Variants in TBATA observed in about 807,000 individuals in gnomAD.
The protein encoded by TBATA is protein TBATA.
In TBATA, 47 loss-of-function variants were observed where a neutral mutation model predicts 38.7. The observed-to-expected ratio is 1.21, with a 90% CI of 0.96 to 1.55. TBATA has a LOEUF of 1.55. Among genes scored for constraint, TBATA ranks in the 40% most tolerant of loss-of-function variants. The probability of loss-of-function intolerance (pLI) is 0.00; values close to 1 mark genes in which losing one functional copy is unlikely to be tolerated. For synonymous variants in TBATA, 183 were observed against 170.5 expected (o/e 1.07, Z -0.57); for missense variants, 436 against 435.6 (o/e 1.00, Z -0.01).
chr10:70,777,510 C>T (rs550566862), intron 6 of TBATA, among the ~76,000 whole-genome samples, 172 bp from the exon 7 acceptor site: 2 of 152,136 alleles, frequency 1.3e-5, no homozygotes, highest in East Asian at 1.9e-4. Flanking sequence ...TGCCACCCCC[C>T]CAACCTCACC....
At chr10:70,782,786 A>T (rs1381071561) in intron 3 of TBATA, among the ~76,000 whole-genome samples, 1 of 152,030 alleles carries the variant, frequency 6.6e-6, no homozygotes, top group Non-Finnish European at 1.5e-5. Flanking sequence ...GCCAGTCCCC[A>T]CTGGAGGCCT....
intron 10 of TBATA, chr10:70,772,207 A>G: frequency 1.7e-6 from 1 of 571,710 alleles, no homozygotes; most frequent in East Asian, 4.0e-5. Context: ...TATTCTCCTT[A>G]CAGTATCTGT....
rs116376931 is a variant in TBATA, at chr10:70,779,003, G to T, written c.428-367C>A. On this transcript the variant is annotated intron_variant, in intron 5 of 10. Coordinates refer to ENST00000456372, the MANE Select transcript of TBATA (RefSeq NM_001318241.2). Reference sequence around the variant, plus strand: ...CCCTGAGGCCAAGACTGAAGCTGAGGAGATACAGATGGGCCTGTTATTAAG... The same window carrying T: ...CCCTGAGGCCAAGACTGAAGCTGAGTAGATACAGATGGGCCTGTTATTAAG... Among the ~76,000 whole-genome samples, 864 of 152,324 alleles carry T rather than the reference G, an allele frequency of 5.7e-3. 4 individuals are homozygous for T. Among genetic ancestry groups the T allele is most frequent in the African/African-American group, 0.015 (622 of 41,574 alleles).
At chr10:70,778,205 C>T (rs973041355) in intron 6 of TBATA, among the ~76,000 whole-genome samples, 1 of 152,158 alleles carries the variant, frequency 6.6e-6, no homozygotes, top group Non-Finnish European at 1.5e-5. Flanking sequence ...AGTCTGCCCC[C>T]CCTCACCTTT....
chr10:70,771,265 A>G lies in TBATA; in HGVS notation c.*111T>C, dbSNP rs1421357355. 3 of 1,605,904 alleles carry G rather than the reference A, an allele frequency of 1.9e-6. No homozygotes were observed. Among genetic ancestry groups the G allele is most frequent in the Non-Finnish European group, 2.6e-6 (3 of 1,174,858 alleles). On this transcript the variant is annotated 3_prime_UTR_variant, in exon 11 of 11. Transcript: ENST00000456372. ...TCAGGGAAGACGGTTTTATTTAGTA[A>G]GAGTTTTCACGGTAGGGAATCAGGT...
chr10:70,781,288 A>C lies in TBATA; in HGVS notation c.277+513T>G, dbSNP rs1844178931. On this transcript the variant is annotated intron_variant, in intron 4 of 10. Transcript: ENST00000456372. ...GCCATGTCTTCTGTGACCACCTTTC[A>C]AAAATAGCTATCTTCCCACTGCAGC... Among the ~76,000 whole-genome samples, 3 of 152,254 alleles carry C rather than the reference A, an allele frequency of 2.0e-5. No individual in the cohort carries two copies. The South Asian group carries it at 6.2e-4, about 32-fold the overall frequency.
intron 9 of TBATA, among the ~76,000 whole-genome samples, chr10:70,773,319 C>T (rs1481935309): frequency 6.6e-6 from 1 of 152,178 alleles, no homozygotes; most frequent in East Asian, 1.9e-4. Flanking sequence ...TGTATACCTT[C>T]CTGACTTCCA....
chr10:70,773,444 A>C (rs1228050048), intron 9 of TBATA, among the ~76,000 whole-genome samples: 1 of 134,618 alleles, frequency 7.4e-6, no homozygotes, highest in Non-Finnish European at 1.6e-5. Flanking sequence ...GGAAACACTC[A>C]GGTGACTGTT....
chr10:70,784,098 C>A (rs1237652013), intron 2 of TBATA, among the ~76,000 whole-genome samples: 3 of 152,168 alleles, frequency 2.0e-5, no homozygotes, highest in Non-Finnish European at 4.4e-5. Flanking sequence ...CAGAGGACCA[C>A]ATAGCCTGAG....
chr10:70,780,850 A>G (rs1233097475), intron 4 of TBATA, among the ~76,000 whole-genome samples: 1 of 152,086 alleles, frequency 6.6e-6, no homozygotes, highest in African/African-American at 2.4e-5. Flanking sequence ...GCCAAGTCCT[A>G]CTGACTTTAC....
intron 9 of TBATA, 34 bp downstream of exon 9, chr10:70,774,179 G>T (rs775696888): frequency 6.2e-7 from 1 of 1,607,308 alleles, no homozygotes; most frequent in Non-Finnish European, 8.5e-7. Flanking sequence ...AGGACAGAAG[G>T]CTGCAGAAGG....
intron 6 of TBATA, chr10:70,777,652 G>GC: frequency 2.4e-6 from 1 of 418,398 alleles, no homozygotes; most frequent in South Asian, 2.1e-5. Flanking sequence ...ATCGCTGGAT[G>GC]CCCGCGGGTG....
rs752310987 is a variant in TBATA at position 70,781,842 on chromosome 10, G to C, written c.236C>G (p.Ser79Cys). Reference protein sequence around the residue: ...FGRLSHHSFFSRHHPHPQHVT... With the variant: ...FGRLSHHSFFCRHHPHPQHVT... Reference sequence around the variant, plus strand: ...GTGCTGGGGGTGTGGGTGGTGCCGGGAGAAGAAGGAGTGGTGACTGAGGCG... The same window carrying C: ...GTGCTGGGGGTGTGGGTGGTGCCGGCAGAAGAAGGAGTGGTGACTGAGGCG... The change falls in exon 4 of 11, where the codon TCC (serine) becomes TGC (cysteine). Residue 79 changes from serine to cysteine, a missense_variant. Coordinates refer to ENST00000456372, the MANE Select transcript of TBATA (RefSeq NM_001318241.2). The C allele has an allele frequency of 1.2e-6, 2 of 1,614,146 alleles. No individual in the cohort carries two copies. Among genetic ancestry groups the C allele is most frequent in the Non-Finnish European group, 1.7e-6 (2 of 1,179,952 alleles).
chr10:70,782,732 C>T (rs1844409578), intron 3 of TBATA: 1 of 780,710 alleles, frequency 1.3e-6, no homozygotes, highest in Non-Finnish European at 1.6e-6. Context: ...CCTGAGGACG[C>T]TATGCATCTG....
chr10:70,782,240 A>C, intron 3 of TBATA: 1 of 1,396,032 alleles, frequency 7.2e-7, no homozygotes, highest in East Asian at 2.5e-5. Flanking sequence ...TGTCCTGGTT[A>C]GTCTTCCTTA....
chr10:70,772,424 T>C, intron 10 of TBATA, 90 bp downstream of exon 10: 3 of 1,189,724 alleles, frequency 2.5e-6, no homozygotes, highest in Non-Finnish European at 3.8e-6. Context: ...GGGCAGGGAC[T>C]CATCTCCAAG....
In TBATA at chr10:70,781,903, G is replaced by A. The variant is rs776634389; in HGVS notation, c.175C>T (p.Pro59Ser). Residue 59 changes from proline to serine, a missense_variant, in exon 4 of 11, where the codon CCA becomes TCA. Transcript: ENST00000456372. ...TAGGTGCCAGGGGTTTGGGGCTTTG[G>A]GGTCCTCAATGCCCGGCGGATCCGC... Reference protein sequence around the residue: ...FERIRRALRTPKPQTPGTYCF... With the variant: ...FERIRRALRTSKPQTPGTYCF... 6.2e-7 allele frequency: 1 copy of A among 1,614,200 alleles called. No individual in the cohort carries two copies. The highest frequency in any genetic ancestry group is 2.2e-5 in the East Asian group (1 of 44,878).
chr10:70,782,766 G>T, intron 3 of TBATA: 1 of 480,622 alleles, frequency 2.1e-6, no homozygotes, highest in Non-Finnish European at 2.7e-6. Flanking sequence ...GTCAAGATCA[G>T]CAAAGGTGGG....
chr10:70,778,828 G>T, intron 5 of TBATA, 192 bp from the exon 6 acceptor site: 1 of 680,892 alleles, frequency 1.5e-6, no homozygotes, highest in Non-Finnish European at 2.7e-6. Context: ...TTGTGGCAGT[G>T]GGTGGGGTGC....
Sources: allele counts gnomAD v4.1 joint callset (sites outside exome capture counted in the v4.1 genomes callset), GRCh38; gene constraint gnomAD v4.1.1; transcripts MANE v1.5; gene names NCBI Gene and HGNC (gene_info 2026-07-23, HGNC 2026-07-21).